The following GALNT2 variants were observed in gnomAD, a reference collection of about 807,000 sequenced individuals.
GALNT2 encodes the protein polypeptide N-acetylgalactosaminyltransferase 2, also known as UDP-GalNAc:polypeptide N-acetylgalactosaminyltransferase 2.
In GALNT2, 31 loss-of-function variants were observed where a neutral mutation model predicts 81.4. That is an observed-to-expected ratio of 0.38 (90% CI 0.29 to 0.51). The LOEUF (loss-of-function observed/expected upper bound fraction) is 0.51. Ranked by LOEUF, GALNT2 falls within the 20% of genes least tolerant of loss-of-function variation. The pLI, the probability that GALNT2 is intolerant of heterozygous loss-of-function variation, is 0.87. For synonymous variants in GALNT2, 303 were observed against 287.4 expected (o/e 1.05, Z -0.55); for missense variants, 629 against 765.7 (o/e 0.82, Z 2.11).
At chr1:230,162,584 A>G (rs1188498322) in intron 1 of GALNT2, among the ~76,000 whole-genome samples, 1 of 152,206 alleles carries the variant, frequency 6.6e-6, no homozygotes, top group East Asian at 1.9e-4. Context: ...AACAGGTCCT[A>G]GGAACCAGAA....
intron 1 of GALNT2, among the ~76,000 whole-genome samples, chr1:230,130,744 C>T (rs1404516702): frequency 1.3e-5 from 2 of 152,210 alleles, no homozygotes; most frequent in African/African-American, 2.4e-5. Context: ...GAAGTCTCGG[C>T]GACAGCTCCT....
intron 2 of GALNT2, among the ~76,000 whole-genome samples, chr1:230,191,636 C>T (rs1232784153): frequency 6.6e-6 from 1 of 152,206 alleles, no homozygotes; most frequent in Non-Finnish European, 1.5e-5. Context: ...TTCAGCCTCC[C>T]ACACAGCTAG....
chr1:230,274,948 TAC>T (rs1353751731), intron 15 of GALNT2, among the ~76,000 whole-genome samples: 4 of 151,316 alleles, frequency 2.6e-5, no homozygotes, highest in East Asian at 2.0e-4. Flanking sequence ...AGCATATATA[TAC>T]ACACATATAT....
At chr1:230,221,053 A>C (rs963752095) in intron 3 of GALNT2, among the ~76,000 whole-genome samples, 4 of 152,224 alleles carry the variant, frequency 2.6e-5, no homozygotes, top group African/African-American at 9.6e-5. Context: ...TGAAAGCTTC[A>C]CATTGTCTCT....
chr1:230,203,169 G>T lies in GALNT2; in HGVS notation c.253G>T (p.Ala85Ser). The change falls in exon 3 of 16, where the codon GCT becomes TCT. Residue 85 changes from alanine (A) to serine (S), a missense_variant. Transcript: ENST00000366672. ...ACGGTGGCCAGACTTTAACCAGGAAGCTTATGTTGGAGGGACGATGGTCCG... is the reference window on the plus strand; with the variant it reads ...ACGGTGGCCAGACTTTAACCAGGAATCTTATGTTGGAGGGACGATGGTCCG... Reference protein sequence around the residue: ...KVRWPDFNQEAYVGGTMVRSG... With the variant: ...KVRWPDFNQESYVGGTMVRSG... 1.2e-6 allele frequency: 2 copies of T among 1,614,138 alleles called. No individual in the cohort carries two copies. Among genetic ancestry groups the T allele is most frequent in the Non-Finnish European group, 1.7e-6 (2 of 1,179,994 alleles).
chr1:230,195,624 A>G (rs1663668550), intron 2 of GALNT2, among the ~76,000 whole-genome samples: 1 of 152,162 alleles, frequency 6.6e-6, no homozygotes, highest in Non-Finnish European at 1.5e-5. Flanking sequence ...TAGGAAGACC[A>G]GCTTTAGTAA....
intron 1 of GALNT2, among the ~76,000 whole-genome samples, chr1:230,095,469 G>A (rs1030809770): frequency 6.6e-6 from 1 of 152,192 alleles, no homozygotes; most frequent in Non-Finnish European, 1.5e-5. Flanking sequence ...GGGCTCCTCA[G>A]CCAGGCCTGC....
chr1:230,185,308 G>C (rs865894931), intron 2 of GALNT2, among the ~76,000 whole-genome samples: 1 of 142,832 alleles, frequency 7.0e-6, no homozygotes, highest in Admixed American at 6.9e-5. Context: ...GTGTGCGCGC[G>C]TGTGTGTGTG....
intron 1 of GALNT2, among the ~76,000 whole-genome samples, chr1:230,093,357 G>A (rs1469272439): frequency 1.3e-5 from 2 of 151,654 alleles, no homozygotes; most frequent in African/African-American, 4.9e-5. Flanking sequence ...AGATGCACAC[G>A]TGGCCGTTTA....
chr1:230,135,508 C>T (rs61825402), intron 1 of GALNT2, among the ~76,000 whole-genome samples: 21,058 of 152,130 alleles, frequency 0.14, 1,516 homozygotes, highest in South Asian at 0.23. Flanking sequence ...AGAAGCCATC[C>T]GAATCAGGTT....
chr1:230,246,446 G>GATGAAGCC (rs1665373938), intron 8 of GALNT2, among the ~76,000 whole-genome samples: 1 of 152,206 alleles, frequency 6.6e-6, no homozygotes, highest in African/African-American at 2.4e-5. Flanking sequence ...GACCAGAGAT[G>GATGAAGCC]ATGAAGCCCT....
At chr1:230,235,555 G>T (rs1665001822) in intron 3 of GALNT2, among the ~76,000 whole-genome samples, 1 of 152,134 alleles carries the variant, frequency 6.6e-6, no homozygotes. Flanking sequence ...TGCTGTTCGT[G>T]GTGAGAACCA....
At chr1:230,088,483 AG>A (rs1177045564) in intron 1 of GALNT2, among the ~76,000 whole-genome samples, 2 of 151,104 alleles carry the variant, frequency 1.3e-5, no homozygotes, top group Non-Finnish European at 2.9e-5. Context: ...GCCATTGTAA[AG>A]TATACAGTTC....
intron 14 of GALNT2, among the ~76,000 whole-genome samples, chr1:230,269,512 G>A (rs1384554341): frequency 6.6e-6 from 1 of 152,118 alleles, no homozygotes; most frequent in Non-Finnish European, 1.5e-5. Context: ...ACAAAATGCT[G>A]ATGCCAGGTG....
At chr1:230,107,644 G>GTGTGTGTGTGTGTGT (rs1553256987) in intron 1 of GALNT2, among the ~76,000 whole-genome samples, 22 of 147,774 alleles carry the variant, frequency 1.5e-4, no homozygotes, top group South Asian at 4.3e-4. Context: ...GTGTGTGTGT[G>GTGTGTGTGTGTGTGT]GTTGGTTGGT....
intron 1 of GALNT2, among the ~76,000 whole-genome samples, chr1:230,150,145 G>A (rs1273747755): frequency 1.3e-5 from 2 of 152,246 alleles, no homozygotes; most frequent in Non-Finnish European, 2.9e-5. Context: ...CGGAGCCCAT[G>A]AGTGGCTTAA....
chr1:230,250,383 G>A, intron 9 of GALNT2, 74 bp from the exon 10 acceptor site: 1 of 1,089,694 alleles, frequency 9.2e-7, no homozygotes, highest in Admixed American at 1.9e-5. Flanking sequence ...GCTTGGCCTT[G>A]GCGCAAGGGT....
At chr1:230,261,079 CTCTT>C (rs1332258224) in intron 11 of GALNT2, among the ~76,000 whole-genome samples, 1 of 128,282 alleles carries the variant, frequency 7.8e-6, no homozygotes, top group African/African-American at 2.9e-5. Context: ...CATAAAGTTT[CTCTT>C]TTTTTTTTTT....
chr1:230,095,311 A>G (rs140367235), intron 1 of GALNT2, among the ~76,000 whole-genome samples: 1 of 152,214 alleles, frequency 6.6e-6, no homozygotes, highest in Non-Finnish European at 1.5e-5. Context: ...ACGCACTTTT[A>G]TGGGTGAATT....
Sources: allele counts gnomAD v4.1 joint callset (sites outside exome capture counted in the v4.1 genomes callset), GRCh38; gene constraint gnomAD v4.1.1; transcripts MANE v1.5; gene names NCBI Gene and HGNC (gene_info 2026-07-23, HGNC 2026-07-21).